PEX14: variants seen among roughly 807,000 people sequenced by gnomAD.
PEX14 encodes the protein peroxisomal biogenesis factor 14, also known as peroxisomal membrane protein PEX14.
Under a neutral mutation model 49.5 loss-of-function variants are expected in PEX14, and 15 were observed. The ratio of observed to expected loss-of-function variants is 0.30; its 90% CI spans 0.20 to 0.47. The LOEUF is 0.47. Among genes scored for constraint, PEX14 ranks in the 20% least tolerant of loss-of-function variants. PEX14 has a pLI of 1.00. For synonymous variants in PEX14, 210 were observed against 212.7 expected, an observed-to-expected ratio of 0.99 and a Z score of 0.11; for missense variants, 398 against 494.8, an observed-to-expected ratio of 0.80 and a Z score of 1.86.
At chr1:10,580,444 C>T (rs908288179) in intron 3 of PEX14, among the ~76,000 whole-genome samples, 9 of 152,048 alleles carry the variant, frequency 5.9e-5, no homozygotes, top group South Asian at 2.1e-4. Context: ...AGGCTGGTCT[C>T]GAACTCCTGA....
chr1:10,503,281 CAAAAAAAAAAAAAAAA>C (rs59342388), intron 2 of PEX14, among the ~76,000 whole-genome samples: 1 of 75,490 alleles, frequency 1.3e-5, no homozygotes, highest in Non-Finnish European at 2.3e-5. Flanking sequence ...GACTCTGTCT[CAAAAAAAAAAAAAAAA>C]AAAAAAAAAG....
At position 10,495,175 on chromosome 1, in the gene PEX14, G is replaced by A; in HGVS notation, c.37-99G>A. On this transcript the variant is annotated intron_variant, in intron 1 of 8. Transcript: ENST00000356607. This position sits in a 1 kb window ranked among gnomAD's most constrained non-coding sequence, Gnocchi z 4.2. The stretch of plus-strand genomic sequence containing the variant: ...AAACCAGTGAGAGATGTGAGAAAGA[G>A]GTGCCAGCGTGCATCGTTTGAGAAC... 1.4e-5 allele frequency: 22 copies of A among 1,574,322 alleles called. No individual in the cohort carries two copies. Among genetic ancestry groups the A allele is most frequent in the Non-Finnish European group, 1.9e-5 (22 of 1,149,764 alleles).
At chr1:10,484,695 T>C (rs886309539) in intron 1 of PEX14, among the ~76,000 whole-genome samples, 2 of 151,562 alleles carry the variant, frequency 1.3e-5, no homozygotes, top group African/African-American at 4.9e-5. Flanking sequence ...CAGGCTACTA[T>C]TGAGAAATCT....
At chr1:10,542,739 T>TGACA (rs1365714645) in intron 3 of PEX14, among the ~76,000 whole-genome samples, 1 of 152,116 alleles carries the variant, frequency 6.6e-6, no homozygotes, top group African/African-American at 2.4e-5. Flanking sequence ...CCAGCCTGGG[T>TGACA]GACAGAGCAA....
At chr1:10,488,221 A>G (rs1191886461) in intron 1 of PEX14, among the ~76,000 whole-genome samples, 3 of 152,056 alleles carry the variant, frequency 2.0e-5, no homozygotes, top group South Asian at 2.1e-4. Flanking sequence ...CATTTCAGCT[A>G]TCACTGCTCT....
chr1:10,480,859 C>A (rs201060538), intron 1 of PEX14, among the ~76,000 whole-genome samples: 3,242 of 126,002 alleles, frequency 0.026, 60 homozygotes, highest in East Asian at 0.09. Flanking sequence ...CTCTCTCTCT[C>A]TATATATATA....
chr1:10,587,456 TAAATA>T lies in PEX14; in HGVS notation c.170-11775_170-11771del, dbSNP rs1640528163. Among the ~76,000 whole-genome samples, 3 of 150,570 alleles carry T rather than the reference TAAATA, an allele frequency of 2.0e-5. No individual in the cohort carries two copies. The East Asian group carries it at 5.8e-4, about 29-fold the overall frequency. ...TGAGATTCTGTCTCAAATAAATAAA[TAAATA>T]AAATAACGAGACAATTTTTTAACCT... On this transcript the variant is annotated intron_variant, in intron 3 of 8. Transcript: ENST00000356607.
chr1:10,600,697 GAC>G (rs925345614), intron 4 of PEX14, among the ~76,000 whole-genome samples: 1 of 152,078 alleles, frequency 6.6e-6, no homozygotes, highest in African/African-American at 2.4e-5. Flanking sequence ...CAGCCTAGGT[GAC>G]AGAGTGAGAC....
At chr1:10,540,289 C>T (rs1638963115) in intron 3 of PEX14, among the ~76,000 whole-genome samples, 1 of 152,206 alleles carries the variant, frequency 6.6e-6, no homozygotes, top group Admixed American at 6.5e-5. Flanking sequence ...AATTCTTACA[C>T]AGATTTCAAT....
Position 10,623,150 on chromosome 1 carries a change from C to T in PEX14, c.487+29C>T, listed in dbSNP as rs1401295999. 7 of 1,463,532 alleles carry T rather than the reference C, an allele frequency of 4.8e-6. No homozygotes were observed. The Admixed American group carries it at 1.0e-4, about 21-fold the overall frequency. The allele number at this position is 1,463,532 out of a possible 1,614,324, so 90.7% of individuals were successfully genotyped here. On this transcript the variant is annotated intron_variant, in intron 6 of 8. Transcript: ENST00000356607. This position sits in a 1 kb window ranked among gnomAD's most constrained non-coding sequence, Gnocchi z 4.4. ...AAGATTAATGACTCCATCAAGTCAC[C>T]CCTCACAGCCTTCTCCAAGCAGCCC...
At chr1:10,602,058 G>A (rs1367161872) in intron 4 of PEX14, among the ~76,000 whole-genome samples, 1 of 152,160 alleles carries the variant, frequency 6.6e-6, no homozygotes, top group East Asian at 1.9e-4. Flanking sequence ...AGACACAAAG[G>A]GTTAAACTGT....
In PEX14 at chr1:10,618,367, C is replaced by G; in HGVS notation, c.334C>G (p.Leu112Val). 1 of 1,613,964 alleles carries G rather than the reference C, an allele frequency of 6.2e-7. No individual in the cohort carries two copies. The highest frequency in any genetic ancestry group is 2.2e-5 in the East Asian group (1 of 44,876). ...CTCCCGATGGCGAGATTACGGCGCC[C>G]TGGCCATCATCATGGCAGGCATTGC... ...AGSRWRDYGA[L>V]AIIMAGIAFG... The change falls in exon 5 of 9, where the codon CTG (leucine) becomes GTG (valine). Residue 112 changes from leucine to valine, a missense_variant. By Grantham distance (32) the Leu-to-Val change is conservative. Around this residue, in one of 3 missense-constraint regions of PEX14, gnomAD observed 202 missense variants for 298.5 expected, o/e 0.68. Transcript: ENST00000356607.
intron 1 of PEX14, among the ~76,000 whole-genome samples, chr1:10,479,882 A>G (rs1481210374): frequency 1.3e-5 from 2 of 152,172 alleles, no homozygotes; most frequent in South Asian, 2.1e-4. Flanking sequence ...CTGTAGTTCC[A>G]GCTACTCAGG....
rs1638935359 is a variant in PEX14 at position 10,539,377 on chromosome 1, A to C, written c.169+3080A>C. ...TAGAATCATTTATCATTTTCTTTGA[A>C]GTTTGTACTGCCATTTTGTGTAATT... is the stretch of plus-strand genomic sequence containing the variant. On this transcript the variant is annotated intron_variant, in intron 3 of 8. Transcript: ENST00000356607. This position sits in a 1 kb window ranked among gnomAD's most constrained non-coding sequence, Gnocchi z 4.6. 6.6e-6 allele frequency among the ~76,000 whole-genome samples: 1 copy of C among 152,130 alleles called. No individual in the cohort carries two copies. The highest frequency in any genetic ancestry group is 2.4e-5 in the African/African-American group (1 of 41,406).
At chr1:10,627,878 G>A (rs1322040900) in intron 8 of PEX14, among the ~76,000 whole-genome samples, 1 of 152,238 alleles carries the variant, frequency 6.6e-6, no homozygotes, top group African/African-American at 2.4e-5. Context: ...TGCAGCCTCA[G>A]AGGTAGGGTG....
At chr1:10,595,946 C>G (rs1640821956) in intron 3 of PEX14, among the ~76,000 whole-genome samples, 1 of 152,214 alleles carries the variant, frequency 6.6e-6, no homozygotes, top group African/African-American at 2.4e-5. Context: ...CTTTATTATT[C>G]CTTTTAACCT....
chr1:10,500,279 A>G (rs1641649245), intron 2 of PEX14, among the ~76,000 whole-genome samples: 1 of 142,992 alleles, frequency 7.0e-6, no homozygotes, highest in Admixed American at 7.6e-5. Flanking sequence ...AGTGGCAGGT[A>G]CCTATAATCC....
At chr1:10,488,447 G>A (rs976862821) in intron 1 of PEX14, among the ~76,000 whole-genome samples, 5 of 152,224 alleles carry the variant, frequency 3.3e-5, no homozygotes, top group Middle Eastern at 3.4e-3. Flanking sequence ...GTGAGCCACC[G>A]CACCTGGCCT....
At chr1:10,627,412 G>A in intron 8 of PEX14, 49 bp downstream of exon 8, 1 of 1,315,322 alleles carries the variant, frequency 7.6e-7, no homozygotes, top group Non-Finnish European at 1.1e-6. Context: ...TGGAAAGGAG[G>A]ACTGGGAGCT....
Sources: gnomAD v4.1 joint callset for allele counts (sites outside exome capture counted in the v4.1 genomes callset) on GRCh38, gnomAD v4.1.1 for gene constraint, gnomAD v4.1.1 regional missense constraint, Gnocchi (gnomAD v3.1) non-coding constraint, MANE v1.5 for transcripts, NCBI Gene and HGNC (gene_info 2026-07-23, HGNC 2026-07-21) for gene names.